The following RPS6KC1 variants were observed in gnomAD, a reference collection of about 807,000 sequenced individuals.
RPS6KC1 encodes the protein ribosomal protein S6 kinase C1, also known as inactive ribosomal protein S6 kinase delta-1.
A neutral mutation model predicts 103.8 loss-of-function variants in RPS6KC1; 54 were observed. The ratio of observed to expected loss-of-function variants is 0.52; its 90% confidence interval spans 0.42 to 0.65. The LOEUF is 0.65. RPS6KC1 is among the 30% of genes least tolerant of loss of function. The probability of loss-of-function intolerance (pLI) is 0.00; values close to 1 mark genes in which losing one functional copy is unlikely to be tolerated. For missense variants in RPS6KC1, 1,151 were observed against 1,253.8 expected, an observed-to-expected ratio of 0.92 and a Z score of 1.24; for synonymous variants, 439 against 438.7, an observed-to-expected ratio of 1.00 and a Z score of -0.01.
At chr1:213,706,511 G>A in the RPS6KC1 span, among the ~76,000 whole-genome samples, 1 of 152,094 alleles carries the variant, frequency 6.6e-6, no homozygotes, top group Admixed American at 6.5e-5. Context: ...TCAACAATAT[G>A]TAGTTAAAAC....
chr1:213,606,529 T>A, the RPS6KC1 span, among the ~76,000 whole-genome samples: 1 of 152,232 alleles, frequency 6.6e-6, no homozygotes, highest in South Asian at 2.1e-4. Flanking sequence ...TATAAGGGAT[T>A]GTTTTCCGGT....
the RPS6KC1 span, among the ~76,000 whole-genome samples, chr1:213,615,801 C>A: frequency 6.6e-6 from 1 of 152,352 alleles, no homozygotes; most frequent in East Asian, 1.9e-4. Context: ...AGGCATCCAG[C>A]CTGCTTCCCT....
At chr1:213,184,120 T>G (rs952004411) in intron 8 of RPS6KC1, among the ~76,000 whole-genome samples, 8 of 152,182 alleles carry the variant, frequency 5.3e-5, no homozygotes, top group Admixed American at 2.0e-4. Context: ...AAAATACTAC[T>G]AAGATGAAAT....
the RPS6KC1 span, among the ~76,000 whole-genome samples, chr1:213,522,381 G>T: frequency 0.12 from 18,136 of 152,162 alleles, 1,209 homozygotes; most frequent in African/African-American, 0.15. Flanking sequence ...AGTAGATTTA[G>T]CATAATTCTT....
the RPS6KC1 span, among the ~76,000 whole-genome samples, chr1:213,844,418 C>A: frequency 9.9e-5 from 15 of 152,276 alleles, no homozygotes; most frequent in African/African-American, 3.6e-4. Context: ...ATTTTGCTTA[C>A]AACACTAGAT....
the RPS6KC1 span, among the ~76,000 whole-genome samples, chr1:213,745,273 C>T: frequency 6.6e-6 from 1 of 150,694 alleles, no homozygotes; most frequent in Admixed American, 6.6e-5. Context: ...TGGGGGAGGC[C>T]TCAGGGAAGG....
intron 12 of RPS6KC1, among the ~76,000 whole-genome samples, chr1:213,258,605 A>C (rs2094707358): frequency 6.6e-6 from 1 of 152,212 alleles, no homozygotes; most frequent in African/African-American, 2.4e-5. Flanking sequence ...TTATTATGGA[A>C]GCCGAATTGT....
At chr1:213,686,283 G>A in the RPS6KC1 span, among the ~76,000 whole-genome samples, 4 of 152,186 alleles carry the variant, frequency 2.6e-5, no homozygotes, top group Non-Finnish European at 5.9e-5. Flanking sequence ...GAGAATGCGT[G>A]GTGGCCTTAG....
chr1:213,197,360 T>C (rs992681349), intron 8 of RPS6KC1, among the ~76,000 whole-genome samples: 2 of 152,214 alleles, frequency 1.3e-5, no homozygotes, highest in African/African-American at 4.8e-5. Flanking sequence ...ACTGAATTTA[T>C]AGATTGCTTT....
At chr1:213,596,709 A>G in the RPS6KC1 span, among the ~76,000 whole-genome samples, 1 of 152,228 alleles carries the variant, frequency 6.6e-6, no homozygotes, top group Non-Finnish European at 1.5e-5. Context: ...AAGAATCCTA[A>G]TACTTACATT....
intron 4 of RPS6KC1, among the ~76,000 whole-genome samples, chr1:213,113,006 A>T (rs2083189232): frequency 6.6e-6 from 1 of 152,182 alleles, no homozygotes; most frequent in East Asian, 1.9e-4. Flanking sequence ...TATTGTGAAT[A>T]ATGCCGCAAT....
the RPS6KC1 span, among the ~76,000 whole-genome samples, chr1:213,793,941 G>A: frequency 2.0e-5 from 3 of 152,138 alleles, no homozygotes; most frequent in African/African-American, 7.2e-5. Flanking sequence ...AACGAAGACA[G>A]TGTACACAGA....
At chr1:213,447,176 T>C in the RPS6KC1 span, among the ~76,000 whole-genome samples, 8 of 151,944 alleles carry the variant, frequency 5.3e-5, no homozygotes, top group Non-Finnish European at 1.0e-4. Context: ...CAAGCGATCC[T>C]CCTACCTCAG....
chr1:213,074,840 T>G (rs2148498377), intron 2 of RPS6KC1, among the ~76,000 whole-genome samples: 1 of 125,624 alleles, frequency 8.0e-6, no homozygotes, highest in East Asian at 2.3e-4. Context: ...TTAACTAGAA[T>G]AAATTTTTTT....
the RPS6KC1 span, among the ~76,000 whole-genome samples, chr1:213,562,839 T>C: frequency 2.0e-5 from 3 of 152,090 alleles, no homozygotes; most frequent in Non-Finnish European, 2.9e-5. Flanking sequence ...AAGTTTTAAA[T>C]ATTTTGCAGA....
chr1:213,678,749 C>A, the RPS6KC1 span, among the ~76,000 whole-genome samples: 1 of 152,134 alleles, frequency 6.6e-6, no homozygotes, highest in Non-Finnish European at 1.5e-5. Context: ...AAACTTTAAG[C>A]CTGAACTTGA....
At chr1:213,428,521 T>TC in the RPS6KC1 span, among the ~76,000 whole-genome samples, 13 of 41,714 alleles carry the variant, frequency 3.1e-4, no homozygotes, top group Non-Finnish European at 4.6e-4. Context: ...TTCCTTCCTC[T>TC]TTCTCTCTCT....
At chr1:213,070,933 GA>G (rs2078810160) in intron 1 of RPS6KC1, 72 bp from the exon 2 acceptor site, 1 of 896,520 alleles carries the variant, frequency 1.1e-6, no homozygotes. Flanking sequence ...AATACTATTG[GA>G]AGTTAATTAT....
intron 14 of RPS6KC1, among the ~76,000 whole-genome samples, chr1:213,265,119 G>C (rs2094884581): frequency 6.6e-6 from 1 of 152,188 alleles, no homozygotes; most frequent in South Asian, 2.1e-4. Flanking sequence ...TCAGGAGAAA[G>C]GAGGTTGGCA....
Sources: gnomAD v4.1 joint callset for allele counts (sites outside exome capture counted in the v4.1 genomes callset) on GRCh38, gnomAD v4.1.1 for gene constraint, MANE v1.5 for transcripts, NCBI Gene and HGNC (gene_info 2026-07-23, HGNC 2026-07-21) for gene names.